Variants in ACOT1 observed in about 807,000 individuals in gnomAD.
ACOT1 encodes acyl-CoA thioesterase 1.
ACOT1 carries 8 observed loss-of-function variants against 15.7 expected under a neutral mutation model. The ratio of observed to expected loss-of-function variants is 0.51; its 90% CI spans 0.30 to 0.92. ACOT1 has a LOEUF of 0.92. ACOT1 is among the 40% of genes least tolerant of loss of function. The pLI is 0.06. For missense variants in ACOT1, 151 were observed against 539.4 expected, an observed-to-expected ratio of 0.28 and a Z score of 7.13; for synonymous variants, 67 against 241.2, an observed-to-expected ratio of 0.28 and a Z score of 6.69.
At chr14:73,530,470 C>T in the ACOT1 span, 1 of 129,486 alleles carries the variant, frequency 7.7e-6, no homozygotes, top group South Asian at 2.5e-4. Context: ...AGCTGCTTAA[C>T]CTGGCTTGTT....
the ACOT1 span, chr14:73,520,858 A>G: frequency 6.2e-7 from 1 of 1,613,696 alleles, no homozygotes; most frequent in South Asian, 1.1e-5. Context: ...TTACCAAAGT[A>G]AATCTCCTGT....
chr14:73,514,473 GA>G, the ACOT1 span, among the ~76,000 whole-genome samples: 1 of 151,882 alleles, frequency 6.6e-6, no homozygotes, highest in Non-Finnish European at 1.5e-5. Flanking sequence ...TTTGTGGGGG[GA>G]AATTGAGATA....
the ACOT1 span, chr14:73,522,488 C>T: frequency 5.0e-6 from 8 of 1,614,214 alleles, no homozygotes; most frequent in African/African-American, 2.7e-5. Flanking sequence ...CCTTCGAGGA[C>T]GCTTGCTCTG....
At position 73,541,693 on chromosome 14, in the gene ACOT1, G is replaced by A. The variant is rs1158561975; in HGVS notation, c.658G>A (p.Glu220Lys). The stretch of plus-strand genomic sequence containing the variant: ...TGTGAACTACTTGCTCAGTCATCCT[G>A]AGGTGAGTTCTTCTCTCAGATTTAT... Reference protein sequence around the residue: ...EAVNYLLSHPEVKGPGVGLLG... With the variant: ...EAVNYLLSHPKVKGPGVGLLG... Residue 220 changes from glutamate to lysine, a missense_variant and splice_region_variant, in exon 2 of 3, where the codon GAG becomes AAG. Transcript: ENST00000311148. 4.0e-6 allele frequency: 5 copies of A among 1,243,182 alleles called. 1 individual carries two copies. The highest frequency in any genetic ancestry group is 5.3e-6 in the Non-Finnish European group (5 of 935,148). 77.0% of individuals were successfully genotyped at this position (1,243,182 alleles called of 1,614,324 possible). A position where few individuals can be genotyped will look rare whatever the true frequency, so the allele number is the denominator to read the frequency against.
At chr14:73,492,497 G>T in the ACOT1 span, 4 of 1,613,704 alleles carry the variant, frequency 2.5e-6, no homozygotes, top group Non-Finnish European at 2.5e-6. The surrounding 1 kb of genome is among the most constrained non-coding windows in gnomAD (Gnocchi z 4.9). Context: ...CTTTGCTCCT[G>T]TTGATGCTGT....
At chr14:73,522,145 C>T in the ACOT1 span, 3 of 961,900 alleles carry the variant, frequency 3.1e-6, no homozygotes, top group South Asian at 3.2e-5. Flanking sequence ...AGAGAGCAGG[C>T]CGGTGGTGGA....
chr14:73,496,395 T>C, the ACOT1 span, among the ~76,000 whole-genome samples: 1 of 152,218 alleles, frequency 6.6e-6, no homozygotes. Context: ...ATTTTTGTTT[T>C]GTTTTTGTCT....
the ACOT1 span, among the ~76,000 whole-genome samples, chr14:73,497,632 C>CT: frequency 4.0e-3 from 579 of 146,338 alleles, 7 homozygotes; most frequent in African/African-American, 0.012. Flanking sequence ...AAAACCCATC[C>CT]TTTTTTTTTT....
the ACOT1 span, chr14:73,495,152 A>G: frequency 2.2e-6 from 3 of 1,344,210 alleles, no homozygotes; most frequent in South Asian, 2.8e-5. Context: ...CTTGCTACTA[A>G]GTCCCAAAAC....
At chr14:73,501,993 C>T in the ACOT1 span, among the ~76,000 whole-genome samples, 4 of 151,870 alleles carry the variant, frequency 2.6e-5, no homozygotes, top group African/African-American at 9.7e-5. Flanking sequence ...GATCCACCCG[C>T]CTCGGCCTCC....
intron 2 of ACOT1, 117 bp downstream of exon 2, chr14:73,541,812 A>C (rs539346509): frequency 1.5e-6 from 1 of 684,364 alleles, no homozygotes; most frequent in African/African-American, 1.9e-5. Context: ...AACACACACT[A>C]CCTTTTTTAG....
At chr14:73,492,055 C>T in the ACOT1 span, 7 of 1,614,040 alleles carry the variant, frequency 4.3e-6, no homozygotes, top group Non-Finnish European at 5.9e-6. This position sits in a 1 kb window ranked among gnomAD's most constrained non-coding sequence, Gnocchi z 4.9. Context: ...ACATCGAGGC[C>T]TTCGTGCTGC....
chr14:73,516,608 A>T, the ACOT1 span, among the ~76,000 whole-genome samples: 1 of 152,064 alleles, frequency 6.6e-6, no homozygotes, highest in South Asian at 2.1e-4. Context: ...GCCATCTTCC[A>T]CATCAACAGT....
At chr14:73,520,954 G>T in the ACOT1 span, 5 of 1,613,984 alleles carry the variant, frequency 3.1e-6, no homozygotes, top group Non-Finnish European at 4.2e-6. Context: ...GGCTGGGAGA[G>T]GCTCGTCTTT....
chr14:73,492,338 C>T, the ACOT1 span: 1 of 1,613,970 alleles, frequency 6.2e-7, no homozygotes, highest in Admixed American at 1.7e-5. This position sits in a 1 kb window ranked among gnomAD's most constrained non-coding sequence, Gnocchi z 4.9. Context: ...TCTGGCAGTG[C>T]AGGCTGCAAT....
At chr14:73,530,794 ATTTTTTTTTTT>A in the ACOT1 span, among the ~76,000 whole-genome samples, 3 of 57,772 alleles carry the variant, frequency 5.2e-5, no homozygotes, top group African/African-American at 6.7e-5. Flanking sequence ...TCTCGGTTAA[ATTTTTTTTTTT>A]TTTTTTTTTT....
At chr14:73,516,799 T>A in the ACOT1 span, among the ~76,000 whole-genome samples, 38 of 152,190 alleles carry the variant, frequency 2.5e-4, 1 homozygote, top group South Asian at 7.5e-3. Flanking sequence ...TACTGTGAAC[T>A]GCACATGTGA....
the ACOT1 span, among the ~76,000 whole-genome samples, chr14:73,500,185 G>T: frequency 2.6e-5 from 4 of 152,094 alleles, no homozygotes; most frequent in African/African-American, 9.7e-5. Context: ...AGCCGAGATG[G>T]CGCCACTGCA....
the ACOT1 span, chr14:73,522,515 C>G: frequency 6.2e-7 from 1 of 1,614,078 alleles, no homozygotes; most frequent in Admixed American, 1.7e-5. Flanking sequence ...TCGGGCTGTG[C>G]GCTCGTTCAG....
Sources: gnomAD v4.1 joint callset for allele counts (sites outside exome capture counted in the v4.1 genomes callset) on GRCh38, gnomAD v4.1.1 for gene constraint, Gnocchi (gnomAD v3.1) non-coding constraint, MANE v1.5 for transcripts, NCBI Gene and HGNC (gene_info 2026-07-23, HGNC 2026-07-21) for gene names.